Variants in SH3RF3 observed in about 807,000 individuals in gnomAD.
SH3RF3 encodes E3 ubiquitin-protein ligase SH3RF3.
A neutral mutation model predicts 66.3 loss-of-function variants in SH3RF3; 29 were observed. The ratio of observed to expected loss-of-function variants is 0.44; its 90% CI spans 0.33 to 0.60. The LOEUF (loss-of-function observed/expected upper bound fraction) is 0.60. SH3RF3 is among the 20% of genes least tolerant of loss of function. The pLI is 0.04. For synonymous variants in SH3RF3, 583 were observed against 532.0 expected (o/e 1.10, Z -1.32); for missense variants, 1,194 against 1,190.9 (o/e 1.00, Z -0.04).
At chr2:109,251,225 A>T (rs565779816) in intron 1 of SH3RF3, among the ~76,000 whole-genome samples, 1 of 151,268 alleles carries the variant, frequency 6.6e-6, no homozygotes, top group Non-Finnish European at 1.5e-5. Flanking sequence ...CTGGTCTCGA[A>T]CTCCTTACCT....
intron 1 of SH3RF3, among the ~76,000 whole-genome samples, chr2:109,216,509 G>T (rs1560388): frequency 1.9e-3 from 283 of 152,144 alleles, no homozygotes; most frequent in Non-Finnish European, 3.5e-3. Context: ...CCACCTGGCC[G>T]CAAAGCTTAA....
chr2:109,500,388 G>A (rs1354160823), intron 9 of SH3RF3, among the ~76,000 whole-genome samples: 1 of 152,114 alleles, frequency 6.6e-6, no homozygotes, highest in African/African-American at 2.4e-5. Context: ...CACCTGCCAC[G>A]CAGCACACCC....
intron 3 of SH3RF3, among the ~76,000 whole-genome samples, chr2:109,380,125 T>G (rs909290269): frequency 5.3e-5 from 8 of 152,202 alleles, no homozygotes; most frequent in Admixed American, 3.9e-4. Context: ...CAAGGCGTGA[T>G]CCACACATAC....
chr2:109,242,627 C>G (rs1292215476), intron 1 of SH3RF3, among the ~76,000 whole-genome samples: 1 of 152,214 alleles, frequency 6.6e-6, no homozygotes, highest in Non-Finnish European at 1.5e-5. Context: ...CCTTACTGGG[C>G]TGTGCCTACC....
chr2:109,209,410 T>C (rs966894101), intron 1 of SH3RF3, among the ~76,000 whole-genome samples: 22 of 152,212 alleles, frequency 1.4e-4, no homozygotes, highest in African/African-American at 4.8e-4. Context: ...ATTTCCAGGG[T>C]GTAAACACTC....
At chr2:109,366,174 T>G (rs968996621) in intron 2 of SH3RF3, among the ~76,000 whole-genome samples, 1 of 152,218 alleles carries the variant, frequency 6.6e-6, no homozygotes, top group East Asian at 1.9e-4. Context: ...TTTCTAGGTA[T>G]ATATATATTT....
intron 1 of SH3RF3, among the ~76,000 whole-genome samples, chr2:109,139,142 A>C (rs7565583): frequency 2.6e-5 from 4 of 151,958 alleles, no homozygotes; most frequent in Admixed American, 2.0e-4. Flanking sequence ...CTTTATAATC[A>C]TATCCCAAAT....
intron 1 of SH3RF3, among the ~76,000 whole-genome samples, chr2:109,286,370 T>C (rs1031858548): frequency 6.6e-6 from 1 of 152,106 alleles, no homozygotes; most frequent in African/African-American, 2.4e-5. Flanking sequence ...AGGGGGCCCT[T>C]GGTTGCAATT....
intron 1 of SH3RF3, among the ~76,000 whole-genome samples, chr2:109,202,493 T>G (rs1260922262): frequency 6.6e-6 from 1 of 152,236 alleles, no homozygotes; most frequent in Admixed American, 6.5e-5. Context: ...GGCGCGTTCT[T>G]GTTCCTCACA....
chr2:109,404,976 C>T (rs1462726766), intron 4 of SH3RF3, among the ~76,000 whole-genome samples: 1 of 151,784 alleles, frequency 6.6e-6, no homozygotes, highest in African/African-American at 2.4e-5. Flanking sequence ...CCTGCCAGAC[C>T]CTCTTTCTAA....
rs1418124587 is a variant in SH3RF3, at chr2:109,497,400, C to CA, written c.2481-4102dup. 2.0e-5 allele frequency among the ~76,000 whole-genome samples: 3 copies of CA among 152,222 alleles called. No individual in the cohort carries two copies. In the East Asian group the frequency reaches 5.8e-4, roughly 29 times the overall value. On this transcript the variant is annotated intron_variant, in intron 9 of 9. Transcript: ENST00000309415. ...CAGACGACCCCCAAGGAAAGCAGAACATCCAAACCTCGCACACAGAGCTAA... is the reference window on the plus strand; with the variant it reads ...CAGACGACCCCCAAGGAAAGCAGAACAATCCAAACCTCGCACACAGAGCTAA...
At chr2:109,259,593 A>G (rs1276172827) in intron 1 of SH3RF3, among the ~76,000 whole-genome samples, 1 of 152,154 alleles carries the variant, frequency 6.6e-6, no homozygotes, top group African/African-American at 2.4e-5. Flanking sequence ...TGGAGTTACC[A>G]TGTTTGGGCG....
intron 1 of SH3RF3, among the ~76,000 whole-genome samples, chr2:109,164,201 T>A (rs1029234793): frequency 4.6e-5 from 7 of 152,120 alleles, no homozygotes; most frequent in Admixed American, 6.6e-5. Context: ...TTTAAAGAGT[T>A]GGGGCCTTGC....
intron 8 of SH3RF3, among the ~76,000 whole-genome samples, chr2:109,462,235 T>G (rs1678225756): frequency 6.6e-6 from 1 of 150,748 alleles, no homozygotes; most frequent in Non-Finnish European, 1.5e-5. Context: ...TGCAAACTAT[T>G]TTGTGACACA....
intron 1 of SH3RF3, among the ~76,000 whole-genome samples, chr2:109,137,121 G>C (rs1676833359): frequency 6.6e-6 from 1 of 152,188 alleles, no homozygotes; most frequent in South Asian, 2.1e-4. Context: ...ATGCTGCAGA[G>C]GAAAACATGT....
intron 5 of SH3RF3, among the ~76,000 whole-genome samples, chr2:109,428,283 A>G (rs1196700145): frequency 2.6e-5 from 4 of 152,278 alleles, no homozygotes; most frequent in Non-Finnish European, 5.9e-5. Context: ...CGAAGGCACT[A>G]AAATACTTTG....
At chr2:109,468,824 A>T (rs1215641852) in intron 8 of SH3RF3, among the ~76,000 whole-genome samples, 2 of 147,572 alleles carry the variant, frequency 1.4e-5, no homozygotes, top group Admixed American at 1.4e-4. Context: ...AGTGCACTCC[A>T]GCCTGGGCAA....
At chr2:109,423,739 T>A (rs1676953619) in intron 5 of SH3RF3, among the ~76,000 whole-genome samples, 1 of 152,110 alleles carries the variant, frequency 6.6e-6, no homozygotes, top group African/African-American at 2.4e-5. Context: ...GGCCCCATGG[T>A]CACCCCTTCC....
chr2:109,268,118 T>C (rs62151316), intron 1 of SH3RF3, among the ~76,000 whole-genome samples: 86,519 of 151,422 alleles, frequency 0.57, 25,610 homozygotes, highest in South Asian at 0.65. Flanking sequence ...AGGGGCTGGG[T>C]GGCTCCACTC....
Sources: allele counts gnomAD v4.1 joint callset (sites outside exome capture counted in the v4.1 genomes callset), GRCh38; gene constraint gnomAD v4.1.1; transcripts MANE v1.5; gene names NCBI Gene and HGNC (gene_info 2026-07-23, HGNC 2026-07-21).